PSMB3: variants seen among roughly 807,000 people sequenced by gnomAD.
The protein encoded by PSMB3 is proteasome 20S subunit beta 3.
In PSMB3, 5 loss-of-function variants were observed where a neutral mutation model predicts 23.3. That is an observed-to-expected ratio of 0.21 (90% CI 0.11 to 0.45). PSMB3 has a LOEUF of 0.45. Among genes scored for constraint, PSMB3 ranks in the 20% least tolerant of loss-of-function variants. The probability of loss-of-function intolerance (pLI) is 0.99; values close to 1 mark genes in which losing one functional copy is unlikely to be tolerated. For synonymous variants in PSMB3, 85 were observed against 99.8 expected (o/e 0.85, Z 0.88); for missense variants, 192 against 277.9 (o/e 0.69, Z 2.20).
chr17:38,757,113 C>T (rs2143227958), intron 3 of PSMB3, among the ~76,000 whole-genome samples: 1 of 148,290 alleles, frequency 6.7e-6, no homozygotes, highest in South Asian at 2.2e-4. Flanking sequence ...AACTCCTGAC[C>T]TCAACTGATC....
intron 2 of PSMB3, among the ~76,000 whole-genome samples, chr17:38,755,120 G>A (rs984560830): frequency 6.6e-6 from 1 of 151,888 alleles, no homozygotes; most frequent in African/African-American, 2.4e-5. Flanking sequence ...GACTACAGGT[G>A]TGTGCCACCA....
intron 4 of PSMB3, among the ~76,000 whole-genome samples, chr17:38,760,869 G>A (rs1908405881): frequency 6.6e-6 from 1 of 152,160 alleles, no homozygotes; most frequent in South Asian, 2.1e-4. Flanking sequence ...GGTTTACAGG[G>A]TTCTCGCATC....
intron 4 of PSMB3, chr17:38,762,128 C>G (rs559948979): frequency 1.0e-5 from 4 of 385,312 alleles, no homozygotes; most frequent in Non-Finnish European, 1.9e-5. Flanking sequence ...TACAGAGAAA[C>G]TGAGGCTCAG....
chr17:38,754,636 C>T (rs369026310), intron 2 of PSMB3, among the ~76,000 whole-genome samples: 2 of 152,172 alleles, frequency 1.3e-5, no homozygotes, highest in African/African-American at 2.4e-5. Flanking sequence ...TGAAGTCTCC[C>T]GTGAGCCTTC....
At chr17:38,760,298 G>A in intron 3 of PSMB3, 133 bp from the exon 4 acceptor site, 2 of 904,304 alleles carry the variant, frequency 2.2e-6, no homozygotes, top group South Asian at 3.6e-5. Flanking sequence ...CTCAGGGAAA[G>A]GTGATCTTCC....
chr17:38,757,160 C>T (rs1401280265), intron 3 of PSMB3, among the ~76,000 whole-genome samples: 1 of 149,128 alleles, frequency 6.7e-6, no homozygotes, highest in South Asian at 2.2e-4. Context: ...GGATTACAGG[C>T]ATGAGCCACT....
chr17:38,753,004 A>G, intron 1 of PSMB3, 146 bp from the exon 2 acceptor site: 1 of 1,236,810 alleles, frequency 8.1e-7, no homozygotes, highest in South Asian at 1.5e-5. Flanking sequence ...GCCGCCACAC[A>G]GTGCTCATCC....
rs1304946270 is a variant in PSMB3, at chr17:38,752,978, G to T, written c.3+149G>T. On this transcript the variant is annotated intron_variant, in intron 1 of 5. Transcript: ENST00000619426. The surrounding 1 kb of genome is among the most constrained non-coding windows in gnomAD (Gnocchi z 5.5). ...GCGGGCCCCGGTGAGGACCAAGAGG[G>T]TGAGTGCGGCTCATTGCCGCCACAC... is the stretch of plus-strand genomic sequence containing the variant. 4 of 1,338,008 alleles carry T rather than the reference G, an allele frequency of 3.0e-6. No homozygotes were observed. The African/African-American group carries it at 4.4e-5, about 15-fold the overall frequency. The allele number at this position is 1,338,008 out of a possible 1,614,324, so 82.9% of individuals were successfully genotyped here.
intron 2 of PSMB3, among the ~76,000 whole-genome samples, chr17:38,755,661 T>A (rs596671): frequency 0.39 from 35,752 of 92,824 alleles, 6,455 homozygotes; most frequent in East Asian, 0.52. Context: ...AAAAAAAAAA[T>A]ATATATATAT....
chr17:38,755,674 ATATATATATG>A (rs1908150575), intron 2 of PSMB3, among the ~76,000 whole-genome samples, 199 bp from the exon 3 acceptor site: 4 of 91,288 alleles, frequency 4.4e-5, no homozygotes, highest in Non-Finnish European at 9.1e-5. Context: ...ATATATATAT[ATATATATATG>A]TGTGTGTGTG....
chr17:38,754,146 C>T (rs556164500), intron 2 of PSMB3, among the ~76,000 whole-genome samples: 2 of 152,254 alleles, frequency 1.3e-5, no homozygotes, highest in East Asian at 3.9e-4. Flanking sequence ...GAGACTAGCT[C>T]ACAAGCGTGG....
chr17:38,753,035 C>G, intron 1 of PSMB3, 115 bp from the exon 2 acceptor site: 1 of 1,299,756 alleles, frequency 7.7e-7, no homozygotes, highest in South Asian at 1.5e-5. Flanking sequence ...ACCAGGGGTT[C>G]AGACGCCTCC....
chr17:38,763,777 C>G (rs1352151329), intron 5 of PSMB3, among the ~76,000 whole-genome samples: 1 of 152,112 alleles, frequency 6.6e-6, no homozygotes, highest in African/African-American at 2.4e-5. Flanking sequence ...GCTGGGATTG[C>G]AAGCATGAGC....
chr17:38,754,840 G>C (rs1188335709), intron 2 of PSMB3, among the ~76,000 whole-genome samples: 3 of 152,184 alleles, frequency 2.0e-5, no homozygotes, highest in Admixed American at 6.5e-5. Context: ...CCTCCAGCAG[G>C]TGTGGCATTG....
intron 2 of PSMB3, among the ~76,000 whole-genome samples, chr17:38,753,563 C>T (rs964632361): frequency 6.6e-6 from 1 of 152,070 alleles, no homozygotes; most frequent in Non-Finnish European, 1.5e-5. Flanking sequence ...ACTGCAACCT[C>T]CACCTCCCAG....
intron 4 of PSMB3, 82 bp from the exon 5 acceptor site, chr17:38,762,329 A>T: frequency 8.5e-7 from 1 of 1,182,524 alleles, no homozygotes; most frequent in Non-Finnish European, 1.2e-6. Context: ...GGGAATCTTG[A>T]GCCTAGAAAA....
rs370410559 is a variant in PSMB3 at position 38,752,869 on chromosome 17, T to A, written c.3+40T>A. On this transcript the variant is annotated intron_variant, in intron 1 of 5. Transcript: ENST00000619426. The surrounding 1 kb of genome is among the most constrained non-coding windows in gnomAD (Gnocchi z 5.5). ...TAAAGCAAAGGGGCATGGGGAAGGA[T>A]TGAGAAGCGGAGGGGGTCAGGAGAG... is the stretch of plus-strand genomic sequence containing the variant. The A allele has an allele frequency of 1.2e-6, 2 of 1,612,958 alleles. No individual in the cohort carries two copies. The highest frequency in any genetic ancestry group is 1.7e-6 in the Non-Finnish European group (2 of 1,179,604).
At chr17:38,755,004 T>C (rs534897272) in intron 2 of PSMB3, among the ~76,000 whole-genome samples, 43 of 108,720 alleles carry the variant, frequency 4.0e-4, no homozygotes, top group Non-Finnish European at 5.5e-4. Context: ...TGCTGCCCCC[T>C]TTTTTTTTTT....
chr17:38,763,079 A>G (rs228281), intron 5 of PSMB3, among the ~76,000 whole-genome samples: 140,504 of 152,254 alleles, frequency 0.92, 64,905 homozygotes, highest in East Asian at 1. Flanking sequence ...GTATTTGGCC[A>G]GGCGCGTTGG....
Sources: allele counts gnomAD v4.1 joint callset (sites outside exome capture counted in the v4.1 genomes callset), GRCh38; gene constraint gnomAD v4.1.1; non-coding constraint Gnocchi (gnomAD v3.1); transcripts MANE v1.5; gene names NCBI Gene and HGNC (gene_info 2026-07-23, HGNC 2026-07-21).